Variants in PEX7 observed in about 807,000 individuals in gnomAD.
PEX7 encodes the protein PTS2 receptor.
In PEX7, 34 loss-of-function variants were observed where a neutral mutation model predicts 47.5. The observed-to-expected ratio is 0.72, with a 90% CI of 0.54 to 0.95. The LOEUF (loss-of-function observed/expected upper bound fraction) is 0.95, where lower values mean the gene tolerates loss of function less well. Among genes scored for constraint, PEX7 ranks in the 40% least tolerant of loss-of-function variants. The pLI is 0.00. For synonymous variants in PEX7, 141 were observed against 148.8 expected (o/e 0.95, Z 0.38); for missense variants, 394 against 400.3 (o/e 0.98, Z 0.13).
chr6:136,823,126 T>G (rs1774114691), intron 1 of PEX7: 1 of 985,374 alleles, frequency 1.0e-6, no homozygotes, highest in Non-Finnish European at 1.2e-6. Flanking sequence ...CGGGGGAGCC[T>G]GCGCGGTCCC....
intron 3 of PEX7, among the ~76,000 whole-genome samples, chr6:136,838,337 A>G (rs1474955128): frequency 6.6e-6 from 1 of 152,204 alleles, no homozygotes; most frequent in African/African-American, 2.4e-5. Context: ...GTTAATTACC[A>G]CCATGAGGAA....
intron 1 of PEX7, among the ~76,000 whole-genome samples, chr6:136,824,080 CAG>C (rs1207879152): frequency 1.3e-5 from 2 of 152,308 alleles, no homozygotes; most frequent in East Asian, 3.9e-4. Context: ...TTCTAAAACT[CAG>C]AGAAATACTT....
chr6:136,881,363 C>T (rs1323740513), intron 8 of PEX7, among the ~76,000 whole-genome samples: 4 of 152,072 alleles, frequency 2.6e-5, no homozygotes, highest in African/African-American at 9.7e-5. Flanking sequence ...CTCTTTTTGT[C>T]GCTCATGGAT....
chr6:136,875,006 G>T (rs150959211), intron 8 of PEX7, among the ~76,000 whole-genome samples: 6,586 of 152,084 alleles, frequency 0.043, 519 homozygotes, highest in African/African-American at 0.15. Flanking sequence ...GGGCGTGGTG[G>T]CACATGCCTG....
At chr6:136,888,667 T>A (rs2115258027) in intron 8 of PEX7, among the ~76,000 whole-genome samples, 1 of 152,276 alleles carries the variant, frequency 6.6e-6, no homozygotes, top group African/African-American at 2.4e-5. Flanking sequence ...TCTGTTTTAT[T>A]GTTTTGTCCC....
At chr6:136,862,550 A>AT (rs1208721766) in intron 5 of PEX7, among the ~76,000 whole-genome samples, 11 of 151,886 alleles carry the variant, frequency 7.2e-5, no homozygotes, top group South Asian at 2.1e-4. Context: ...TAATTTTTAA[A>AT]TTTTTTGTAG....
At chr6:136,901,380 C>T (rs552272106) in intron 9 of PEX7, 2 of 152,348 alleles carry the variant, frequency 1.3e-5, no homozygotes, top group African/African-American at 4.8e-5. Flanking sequence ...GGACCAGACA[C>T]ACCCTAGCAG....
At position 136,822,712 on chromosome 6, in the gene PEX7, G is replaced by C. The variant is rs1300062837; in HGVS notation, c.47G>C (p.Gly16Ala). The part of the protein sequence containing the change: ...GGAARMLRTP[G>A]RHGYAAEFSP... ...GCGGCGCGGATGCTGCGGACGCCGG[G>C]ACGCCACGGCTACGCCGCCGAGTTC... Residue 16 changes from glycine to alanine, a missense_variant, in exon 1 of 10, where the codon GGA becomes GCA. Transcript: ENST00000318471. The C allele has an allele frequency of 6.6e-7, 1 of 1,517,024 alleles. No homozygotes were observed. The highest frequency in any genetic ancestry group is 8.8e-7 in the Non-Finnish European group (1 of 1,139,316). The allele number at this position is 1,517,024 out of a possible 1,614,324, so 94.0% of individuals were successfully genotyped here. A position where few individuals can be genotyped will look rare whatever the true frequency, so the allele number is the denominator to read the frequency against.
intron 9 of PEX7, among the ~76,000 whole-genome samples, chr6:136,913,098 C>A (rs994868715): frequency 6.6e-6 from 1 of 152,192 alleles, no homozygotes; most frequent in Non-Finnish European, 1.5e-5. Flanking sequence ...CAATATTGAG[C>A]ACAGCATCTT....
intron 8 of PEX7, among the ~76,000 whole-genome samples, chr6:136,896,090 T>G (rs952533463): frequency 6.6e-6 from 1 of 152,208 alleles, no homozygotes; most frequent in Non-Finnish European, 1.5e-5. Flanking sequence ...ATCTTAATTT[T>G]CATAAGGCCC....
At chr6:136,897,952 A>AT (rs1197250499) in intron 8 of PEX7, among the ~76,000 whole-genome samples, 190 bp from the exon 9 acceptor site, 101 of 151,890 alleles carry the variant, frequency 6.6e-4, no homozygotes, top group African/African-American at 2.3e-3. Context: ...TTTTATATAT[A>AT]TAATAGGATG....
intron 3 of PEX7, among the ~76,000 whole-genome samples, chr6:136,830,630 A>G (rs114253046): frequency 0.017 from 2,533 of 152,306 alleles, 76 homozygotes; most frequent in African/African-American, 0.058. Context: ...ATATAATAAA[A>G]ATTTTTAAAA....
intron 8 of PEX7, among the ~76,000 whole-genome samples, chr6:136,876,285 C>A (rs1010534465): frequency 6.6e-6 from 1 of 152,192 alleles, no homozygotes; most frequent in Non-Finnish European, 1.5e-5. Context: ...GATCCACCCG[C>A]CTCAGCCTCC....
Position 136,826,388 on chromosome 6 carries a change from T to C in PEX7, c.258T>C (p.Cys86=), listed in dbSNP as rs1220745269. ...ACAACGAACATGTCCTCATCACCTG[T>C]AGTGGCGATGGCTCGCTGCAGCTCT... The part of the protein sequence containing the change: ...SENNEHVLIT[C]SGDGSLQLWD... Residue 86 remains cysteine (C), a synonymous_variant, in exon 3 of 10, where the codon TGT becomes TGC. Transcript: ENST00000318471. The C allele has an allele frequency of 6.2e-6, 10 of 1,613,926 alleles. No homozygotes were observed. The highest frequency in any genetic ancestry group is 8.5e-6 in the Non-Finnish European group (10 of 1,180,004).
At chr6:136,824,923 C>T (rs891204669) in intron 1 of PEX7, among the ~76,000 whole-genome samples, 28 of 152,150 alleles carry the variant, frequency 1.8e-4, no homozygotes, top group Non-Finnish European at 1.5e-5. Context: ...AAGTATTTCA[C>T]CCCCCTGTTA....
chr6:136,826,509 T>G, intron 3 of PEX7, 40 bp downstream of exon 3: 2 of 1,613,182 alleles, frequency 1.2e-6, no homozygotes, highest in East Asian at 4.5e-5. Flanking sequence ...TTTTTCTTTC[T>G]TCGACTTTGG....
chr6:136,842,104 C>T (rs1451252130), intron 3 of PEX7, among the ~76,000 whole-genome samples: 2 of 151,784 alleles, frequency 1.3e-5, no homozygotes, highest in African/African-American at 2.4e-5. Flanking sequence ...GAGCGATTCT[C>T]CTGCCTCAGC....
At chr6:136,840,965 T>C (rs1363266134) in intron 3 of PEX7, among the ~76,000 whole-genome samples, 3 of 152,316 alleles carry the variant, frequency 2.0e-5, no homozygotes, top group Middle Eastern at 3.4e-3. Context: ...CTTACTCTGC[T>C]TTTTCTTTGT....
In PEX7 at chr6:136,822,700, T is replaced by C; in HGVS notation, c.35T>C (p.Leu12Pro). The change falls in exon 1 of 10, where the codon CTG (leucine) becomes CCG (proline). Residue 12 changes from leucine to proline, a missense_variant. Physicochemically the swap from Leu to Pro is moderately conservative, Grantham distance 98. Coordinates refer to ENST00000318471, the MANE Select transcript of PEX7 (RefSeq NM_000288.4). Reference protein sequence around the residue: ...SAVCGGAARMLRTPGRHGYAA... With the variant: ...SAVCGGAARMPRTPGRHGYAA... ...GTGTGCGGTGGAGCGGCGCGGATGC[T>C]GCGGACGCCGGGACGCCACGGCTAC... 6.6e-7 allele frequency: 1 copy of C among 1,519,146 alleles called. No individual in the cohort carries two copies. Among genetic ancestry groups the C allele is most frequent in the South Asian group, 1.2e-5 (1 of 82,894 alleles). The allele number at this position is 1,519,146 out of a possible 1,614,324, so 94.1% of individuals were successfully genotyped here.
Sources: gnomAD v4.1 joint callset for allele counts (sites outside exome capture counted in the v4.1 genomes callset) on GRCh38, gnomAD v4.1.1 for gene constraint, MANE v1.5 for transcripts, NCBI Gene and HGNC (gene_info 2026-07-23, HGNC 2026-07-21) for gene names.